The following CTSC variants were observed in gnomAD, a reference collection of about 807,000 sequenced individuals.
The protein encoded by CTSC is cathepsin C.
In CTSC, 37 loss-of-function variants were observed where a neutral mutation model predicts 40.9. That is an observed-to-expected ratio of 0.91 (90% CI 0.70 to 1.19). CTSC has a LOEUF of 1.19. Ranked by LOEUF, CTSC falls within the 50% of genes most tolerant of loss-of-function variation. CTSC has a pLI of 0.00. For synonymous variants in CTSC, 232 were observed against 207.4 expected, an observed-to-expected ratio of 1.12 and a Z score of -1.02; for missense variants, 594 against 567.3, an observed-to-expected ratio of 1.05 and a Z score of -0.48.
intron 2 of CTSC, among the ~76,000 whole-genome samples, chr11:88,334,095 C>T (rs1938430444): frequency 6.6e-6 from 1 of 152,174 alleles, no homozygotes; most frequent in Non-Finnish European, 1.5e-5. Flanking sequence ...TACTTTCCCA[C>T]TTCTTCCCAG....
intron 2 of CTSC, chr11:88,322,091 T>C (rs1011317037): frequency 1.3e-5 from 2 of 152,200 alleles, no homozygotes; most frequent in African/African-American, 2.4e-5. Context: ...AACTTTTTAA[T>C]GGGGCTCCTT....
intron 6 of CTSC, among the ~76,000 whole-genome samples, chr11:88,295,082 A>C (rs904246279): frequency 6.6e-6 from 1 of 152,146 alleles, no homozygotes; most frequent in South Asian, 2.1e-4. Flanking sequence ...CTGTTGTTAT[A>C]ATTATTTAAT....
intron 2 of CTSC, chr11:88,325,451 C>A (rs1938155182): frequency 9.1e-6 from 9 of 985,380 alleles, no homozygotes; most frequent in Non-Finnish European, 1.1e-5. Context: ...ACCAGGAAAT[C>A]CAAATATGCC....
intron 6 of CTSC, among the ~76,000 whole-genome samples, chr11:88,295,648 T>C (rs779274593): frequency 1.2e-4 from 19 of 152,260 alleles, no homozygotes; most frequent in Admixed American, 9.8e-4. Flanking sequence ...CCCAAAGTGA[T>C]AGGGTTATAG....
intron 5 of CTSC, chr11:88,298,977 T>C (rs1944328172): frequency 6.6e-6 from 1 of 152,202 alleles, no homozygotes; most frequent in South Asian, 2.1e-4. Context: ...AAATGCTTTA[T>C]TAAAGTAGTT....
At chr11:88,329,074 C>T (rs1049072058) in intron 2 of CTSC, among the ~76,000 whole-genome samples, 4 of 152,152 alleles carry the variant, frequency 2.6e-5, no homozygotes, top group Non-Finnish European at 4.4e-5. Flanking sequence ...ATTTCCTCAG[C>T]CCTTGAGTAG....
chr11:88,305,212 T>A (rs906572836), intron 4 of CTSC, among the ~76,000 whole-genome samples: 1 of 152,198 alleles, frequency 6.6e-6, no homozygotes, highest in Non-Finnish European at 1.5e-5. Flanking sequence ...ACCATAAAAA[T>A]GGACAACCAG....
At chr11:88,297,550 G>A (rs1944312234) in intron 5 of CTSC, 1 of 152,076 alleles carries the variant, frequency 6.6e-6, no homozygotes, top group African/African-American at 2.4e-5. Flanking sequence ...CAGCTTTCTT[G>A]GCCCATAGCA....
rs1244015101 is a variant in CTSC, at chr11:88,337,697, T to G, written c.-25A>C. On this transcript the variant is annotated 5_prime_UTR_variant, in exon 1 of 7. Coordinates refer to ENST00000227266, the MANE Select transcript of CTSC (RefSeq NM_001814.6). Reference sequence around the variant, plus strand: ...TGCTGCAGGGAGCTGAGAAAAGAGGTGAAGAATTACCAGGAAGCCGAGCGC... The same window carrying G: ...TGCTGCAGGGAGCTGAGAAAAGAGGGGAAGAATTACCAGGAAGCCGAGCGC... The G allele has an allele frequency of 6.4e-7, 1 of 1,557,154 alleles. No individual in the cohort carries two copies. The highest frequency in any genetic ancestry group is 1.4e-5 in the African/African-American group (1 of 73,210).
rs55948254 is a variant in CTSC, at chr11:88,335,293, T to C, written c.173-211A>G. 0.064 allele frequency among the ~76,000 whole-genome samples: 9,750 copies of C among 151,926 alleles called. 405 individuals are homozygous for C. Among genetic ancestry groups the C allele is most frequent in the Non-Finnish European group, 0.096 (6,491 of 67,962 alleles). ...AGACTGTGAAGTTAGGCTCTAAAAA[T>C]TTGAGATAATGCAAGCAGAAGCAGT... On this transcript the variant is annotated intron_variant, in intron 1 of 6. Transcript: ENST00000227266.
intron 2 of CTSC, among the ~76,000 whole-genome samples, chr11:88,330,605 C>G (rs970249986): frequency 3.9e-5 from 6 of 152,156 alleles, no homozygotes; most frequent in African/African-American, 1.4e-4. Context: ...GTCTCGGCCT[C>G]CCAAAGTGCT....
At chr11:88,310,697 C>G (rs550960217) in intron 3 of CTSC, among the ~76,000 whole-genome samples, 2 of 152,106 alleles carry the variant, frequency 1.3e-5, no homozygotes, top group Admixed American at 6.5e-5. Context: ...AACCCAGAGA[C>G]GTACCCTTAT....
In CTSC at chr11:88,296,691, T is replaced by C. The variant is rs1234699808; in HGVS notation, c.758-427A>G. Reference sequence around the variant, plus strand: ...TATCTCTAATGCAATGAGATGAAGGTTTATGTCCCTCTAAAATCATGTTAA... The same window carrying C: ...TATCTCTAATGCAATGAGATGAAGGCTTATGTCCCTCTAAAATCATGTTAA... On this transcript the variant is annotated intron_variant, in intron 5 of 6. Coordinates refer to ENST00000227266, the MANE Select transcript of CTSC (RefSeq NM_001814.6). 3.6e-5 allele frequency: 10 copies of C among 274,758 alleles called. No homozygotes were observed. In the East Asian group the frequency reaches 9.7e-4, roughly 27 times the overall value. 17.0% of individuals were successfully genotyped at this position (274,758 alleles called of 1,614,324 possible). A position where few individuals can be genotyped will look rare whatever the true frequency, so the allele number is the denominator to read the frequency against.
intron 2 of CTSC, chr11:88,325,430 G>C: frequency 1.0e-6 from 1 of 985,332 alleles, no homozygotes; most frequent in Non-Finnish European, 1.2e-6. Flanking sequence ...GATGCTCACA[G>C]ACTGGAATTT....
At chr11:88,320,913 T>G in intron 2 of CTSC, 1 of 941,340 alleles carries the variant, frequency 1.1e-6, no homozygotes, top group African/African-American at 1.8e-5. Flanking sequence ...TAAGATGGAG[T>G]TGATCCTTGC....
intron 2 of CTSC, chr11:88,320,876 G>T: frequency 1.2e-6 from 1 of 837,274 alleles, no homozygotes; most frequent in Non-Finnish European, 1.4e-6. Context: ...CATATATCGT[G>T]TAATACATAG....
intron 2 of CTSC, among the ~76,000 whole-genome samples, chr11:88,317,144 T>G (rs947853122): frequency 2.0e-5 from 3 of 152,122 alleles, no homozygotes; most frequent in African/African-American, 7.2e-5. Context: ...TTTTTGTATT[T>G]TTAGTAGAGA....
At chr11:88,337,346 G>A (rs186718546) in intron 1 of CTSC, among the ~76,000 whole-genome samples, 155 bp downstream of exon 1, 1 of 152,158 alleles carries the variant, frequency 6.6e-6, no homozygotes, top group Non-Finnish European at 1.5e-5. Context: ...CGAGCCTGGC[G>A]GGGAAGAAGG....
At chr11:88,334,480 G>C (rs555171551) in intron 2 of CTSC, among the ~76,000 whole-genome samples, 1 of 152,116 alleles carries the variant, frequency 6.6e-6, no homozygotes, top group Non-Finnish European at 1.5e-5. Context: ...AACATATTTA[G>C]TACATTTAAG....
Sources: gnomAD v4.1 joint callset for allele counts (sites outside exome capture counted in the v4.1 genomes callset) on GRCh38, gnomAD v4.1.1 for gene constraint, MANE v1.5 for transcripts, NCBI Gene and HGNC (gene_info 2026-07-23, HGNC 2026-07-21) for gene names.